Variants in PHF14 observed in about 807,000 individuals in gnomAD.
The protein encoded by PHF14 is PHD finger protein 14.
Under a neutral mutation model 117.9 loss-of-function variants are expected in PHF14, and 55 were observed. That is an observed-to-expected ratio of 0.47 (90% CI 0.38 to 0.58). The LOEUF (loss-of-function observed/expected upper bound fraction) is 0.58. Ranked by LOEUF, PHF14 falls within the 20% of genes least tolerant of loss-of-function variation. PHF14 has a pLI of 0.00. For missense variants in PHF14, 978 were observed against 1,122.2 expected (o/e 0.87, Z 1.84); for synonymous variants, 409 against 368.6 (o/e 1.11, Z -1.26).
Position 11,013,840 on chromosome 7 carries a change from G to C in PHF14, c.1139G>C (p.Gly380Ala). ...TGGTTTTGTGATGCCTGTAAATGTG[G>C]TGTTTCTCCTAGCTGTGAACTGTGT... The part of the protein sequence containing the change: ...EPWFCDACKC[G>A]VSPSCELCPN... Residue 380 changes from glycine to alanine, a missense_variant, in exon 5 of 18, where the codon GGT becomes GCT. Around this residue, in one of 7 missense-constraint regions of PHF14, gnomAD observed 86 missense variants for 137.8 expected, o/e 0.62. Coordinates refer to ENST00000634607, the MANE Select transcript of PHF14 (RefSeq NM_001007157.2). 1 of 1,610,862 alleles carries C rather than the reference G, an allele frequency of 6.2e-7. No homozygotes were observed. Among genetic ancestry groups the C allele is most frequent in the Non-Finnish European group, 8.5e-7 (1 of 1,177,372 alleles).
intron 16 of PHF14, among the ~76,000 whole-genome samples, chr7:11,067,989 G>C (rs896140866): frequency 3.9e-5 from 6 of 152,054 alleles, no homozygotes; most frequent in Non-Finnish European, 8.8e-5. Flanking sequence ...TTCAACATTA[G>C]GTTTGTAGGT....
At chr7:11,053,557 ATTAC>A (rs932892915) in intron 14 of PHF14, among the ~76,000 whole-genome samples, 6 of 152,050 alleles carry the variant, frequency 3.9e-5, no homozygotes, top group African/African-American at 1.2e-4. Flanking sequence ...GAGAAGAGTT[ATTAC>A]TTCGTATGTC....
At chr7:10,983,290 C>A in intron 3 of PHF14, 131 bp downstream of exon 3, 1 of 883,696 alleles carries the variant, frequency 1.1e-6, no homozygotes, top group Non-Finnish European at 1.6e-6. Flanking sequence ...AATGAGCACC[C>A]TAACTGTAAC....
chr7:11,022,392 G>C (rs1462403021), intron 5 of PHF14, among the ~76,000 whole-genome samples: 1 of 152,112 alleles, frequency 6.6e-6, no homozygotes, highest in Non-Finnish European at 1.5e-5. Context: ...TACCCCAGCA[G>C]CTTTTGGAAA....
At chr7:10,987,587 A>G (rs1453199823) in intron 3 of PHF14, among the ~76,000 whole-genome samples, 3 of 152,144 alleles carry the variant, frequency 2.0e-5, no homozygotes, top group Non-Finnish European at 4.4e-5. Flanking sequence ...TTCTTCCTAT[A>G]ATTACATTGG....
chr7:11,058,498 T>G (rs1410175468), intron 14 of PHF14, among the ~76,000 whole-genome samples: 4 of 152,196 alleles, frequency 2.6e-5, no homozygotes, highest in Non-Finnish European at 5.9e-5. Flanking sequence ...ATTTTTTTCT[T>G]TGGAAATATT....
rs370551121 is a variant in PHF14 at position 11,051,778 on chromosome 7, A to G, written c.2479A>G (p.Thr827Ala). The G allele has an allele frequency of 6.2e-7, 1 of 1,612,428 alleles. No homozygotes were observed. The highest frequency in any genetic ancestry group is 1.3e-5 in the African/African-American group (1 of 74,988). The change falls in exon 14 of 18, where the codon ACG becomes GCG. Residue 827 changes from threonine to alanine, a missense_variant and splice_region_variant. Thr to Ala is a moderately conservative substitution (Grantham distance 58). Coordinates refer to ENST00000634607, the MANE Select transcript of PHF14 (RefSeq NM_001007157.2). The stretch of plus-strand genomic sequence containing the variant: ...ACCCAAGAAGATTCCGATAAGAAAC[A>G]CGGTAGTTTATTTTTTATTTATCAT... ...PEPKKIPIRN[T>A]RTRGRKRSFV...
chr7:11,101,740 A>G (rs1259269931), intron 16 of PHF14, among the ~76,000 whole-genome samples: 1 of 151,790 alleles, frequency 6.6e-6, no homozygotes, highest in Admixed American at 6.6e-5. Context: ...CTTAATTGTT[A>G]ATATAAAAAA....
rs552872081 is a variant in PHF14, at chr7:11,080,810, G to A, written c.2654+18725G>A. ...CCCTAATGAGCAAATGCATTAGAGG[G>A]CCATCAAGCACAAAGTCTTGAATTT... On this transcript the variant is annotated intron_variant, in intron 16 of 17. Coordinates refer to ENST00000634607, the MANE Select transcript of PHF14 (RefSeq NM_001007157.2). Among the ~76,000 whole-genome samples, 4 of 152,260 alleles carry A rather than the reference G, an allele frequency of 2.6e-5. No individual in the cohort carries two copies. The South Asian group carries it at 8.3e-4, about 32-fold the overall frequency.
intron 16 of PHF14, among the ~76,000 whole-genome samples, chr7:11,078,514 A>C (rs1048725659): frequency 1.3e-5 from 2 of 152,174 alleles, no homozygotes; most frequent in Non-Finnish European, 2.9e-5. Context: ...GCAATGCATT[A>C]GATTGATTTA....
intron 3 of PHF14, among the ~76,000 whole-genome samples, chr7:10,987,013 A>G (rs1401440857): frequency 6.6e-6 from 1 of 152,278 alleles, no homozygotes; most frequent in Admixed American, 6.5e-5. Flanking sequence ...CGTTAAGTAC[A>G]TTAGATGTCA....
chr7:11,033,734 A>G (rs116741869), intron 7 of PHF14, among the ~76,000 whole-genome samples: 1,978 of 152,278 alleles, frequency 0.013, 42 homozygotes, highest in African/African-American at 0.045. Flanking sequence ...TAATGACTCA[A>G]TTTCAACCTC....
intron 17 of PHF14, among the ~76,000 whole-genome samples, chr7:11,113,827 T>G (rs1208952954): frequency 6.6e-6 from 1 of 152,176 alleles, no homozygotes; most frequent in African/African-American, 2.4e-5. Context: ...ATAGATAATG[T>G]CATGCTTTAT....
At chr7:10,982,303 C>A in intron 2 of PHF14, 69 bp from the exon 3 acceptor site, 1 of 1,020,938 alleles carries the variant, frequency 9.8e-7, no homozygotes, top group Non-Finnish European at 1.4e-6. Context: ...TCATTTGTGT[C>A]AGCGTTGTGT....
At chr7:11,080,830 G>T (rs1428939679) in intron 16 of PHF14, among the ~76,000 whole-genome samples, 1 of 152,148 alleles carries the variant, frequency 6.6e-6, no homozygotes, top group Non-Finnish European at 1.5e-5. Context: ...ACAAAGTCTT[G>T]AATTTTGAAT....
intron 14 of PHF14, among the ~76,000 whole-genome samples, chr7:11,059,395 C>T (rs930986656): frequency 6.6e-6 from 1 of 152,188 alleles, no homozygotes; most frequent in African/African-American, 2.4e-5. Context: ...GTCTTTTGCA[C>T]ATTCTGTTTA....
At chr7:11,089,018 G>T (rs1786536208) in intron 16 of PHF14, among the ~76,000 whole-genome samples, 1 of 151,838 alleles carries the variant, frequency 6.6e-6, no homozygotes, top group African/African-American at 2.4e-5. Context: ...ACCATTTTAA[G>T]GACATTAATC....
chr7:11,083,332 T>C (rs946155268), intron 16 of PHF14, among the ~76,000 whole-genome samples: 3 of 152,132 alleles, frequency 2.0e-5, no homozygotes, highest in African/African-American at 7.2e-5. Flanking sequence ...TGGAGTCTTA[T>C]TCCTCACTTA....
In PHF14 at chr7:11,108,836, A is replaced by G. The variant is rs531932271; in HGVS notation, c.2655-2514A>G. ...TGTACATTAAGGTGATAAATAATGA[A>G]TTATGATACACATGCATCATGATAG... is the stretch of plus-strand genomic sequence containing the variant. On this transcript the variant is annotated intron_variant, in intron 16 of 17. Transcript: ENST00000634607. 7 of 151,910 alleles carry G rather than the reference A, an allele frequency of 4.6e-5. No homozygotes were observed. The East Asian group carries it at 1.4e-3, about 29-fold the overall frequency. The allele number at this position is 151,910 out of a possible 1,614,324, so 9.4% of individuals were successfully genotyped here.
Sources: gnomAD v4.1 joint callset for allele counts (sites outside exome capture counted in the v4.1 genomes callset) on GRCh38, gnomAD v4.1.1 for gene constraint, gnomAD v4.1.1 regional missense constraint, MANE v1.5 for transcripts, NCBI Gene and HGNC (gene_info 2026-07-23, HGNC 2026-07-21) for gene names.